The following FSTL5 variants were observed in gnomAD, a reference collection of about 807,000 sequenced individuals.
FSTL5 encodes follistatin-related protein 5.
In FSTL5, 62 loss-of-function variants were observed where a neutral mutation model predicts 89.1. The observed-to-expected ratio is 0.70, with a 90% CI of 0.57 to 0.86. FSTL5 has a LOEUF of 0.86. Ranked by LOEUF, FSTL5 falls within the 40% of genes least tolerant of loss-of-function variation. The probability of loss-of-function intolerance (pLI) is 0.00; values close to 1 mark genes in which losing one functional copy is unlikely to be tolerated. For missense variants in FSTL5, 1,057 were observed against 1,001.6 expected, an observed-to-expected ratio of 1.06 and a Z score of -0.75; for synonymous variants, 383 against 346.2, an observed-to-expected ratio of 1.11 and a Z score of -1.18.
chr4:161,851,266 G>A (rs1353942143), intron 4 of FSTL5, among the ~76,000 whole-genome samples: 1 of 152,080 alleles, frequency 6.6e-6, no homozygotes, highest in African/African-American at 2.4e-5. Flanking sequence ...TCTTTTAATT[G>A]AAATATATAA....
At chr4:161,870,651 C>T (rs1257950623) in intron 4 of FSTL5, among the ~76,000 whole-genome samples, 1 of 152,134 alleles carries the variant, frequency 6.6e-6, no homozygotes, top group African/African-American at 2.4e-5. Flanking sequence ...GTAAATATCA[C>T]TTACCTTTTC....
At chr4:161,442,158 T>TG (rs910111539) in intron 15 of FSTL5, among the ~76,000 whole-genome samples, 2 of 151,584 alleles carry the variant, frequency 1.3e-5, no homozygotes, top group Admixed American at 1.3e-4. Flanking sequence ...TTTTTTTTTT[T>TG]TTTTCATTCC....
At chr4:161,403,130 C>G (rs1307282751) in intron 15 of FSTL5, among the ~76,000 whole-genome samples, 1 of 152,020 alleles carries the variant, frequency 6.6e-6, no homozygotes, top group Non-Finnish European at 1.5e-5. Context: ...CGCCCGGCCC[C>G]CAGAACTATT....
At chr4:161,950,132 G>C (rs1203436442) in intron 3 of FSTL5, among the ~76,000 whole-genome samples, 1 of 152,096 alleles carries the variant, frequency 6.6e-6, no homozygotes, top group Non-Finnish European at 1.5e-5. Flanking sequence ...CTGGACTACT[G>C]ATTCAGTTAG....
chr4:161,913,887 T>C (rs1733766733), intron 4 of FSTL5, among the ~76,000 whole-genome samples: 1 of 152,152 alleles, frequency 6.6e-6, no homozygotes, highest in African/African-American at 2.4e-5. Flanking sequence ...TGCTTTTGAT[T>C]TTACAGGCTC....
At chr4:161,726,954 C>T (rs960808895) in intron 6 of FSTL5, among the ~76,000 whole-genome samples, 1 of 150,280 alleles carries the variant, frequency 6.7e-6, no homozygotes, top group African/African-American at 2.4e-5. Flanking sequence ...ACATTGTCTA[C>T]TGATAAAGAA....
chr4:162,118,242 T>C (rs1388867845), intron 1 of FSTL5, among the ~76,000 whole-genome samples: 1 of 145,574 alleles, frequency 6.9e-6, no homozygotes, highest in Non-Finnish European at 1.5e-5. Context: ...AATATTTTTC[T>C]TAGGAAAAAG....
At chr4:161,726,759 CT>C (rs1739434317) in intron 6 of FSTL5, among the ~76,000 whole-genome samples, 1 of 151,912 alleles carries the variant, frequency 6.6e-6, no homozygotes, top group Non-Finnish European at 1.5e-5. Context: ...TAGCTAACAA[CT>C]TTACTAACTA....
chr4:162,118,912 G>C (rs1157708311), intron 1 of FSTL5, among the ~76,000 whole-genome samples: 1 of 152,082 alleles, frequency 6.6e-6, no homozygotes, highest in African/African-American at 2.4e-5. Flanking sequence ...TAAAAAGTTA[G>C]TAGCAAGGCT....
intron 3 of FSTL5, among the ~76,000 whole-genome samples, chr4:162,018,997 C>T (rs1736995115): frequency 6.6e-6 from 1 of 152,060 alleles, no homozygotes; most frequent in Non-Finnish European, 1.5e-5. Context: ...TAATAAAATA[C>T]TTAATGTCAT....
chr4:161,577,702 G>A (rs2126594691), intron 8 of FSTL5, among the ~76,000 whole-genome samples: 1 of 152,218 alleles, frequency 6.6e-6, no homozygotes, highest in African/African-American at 2.4e-5. Flanking sequence ...ATACAGATCT[G>A]CTGAGGCTTT....
chr4:161,980,807 C>T (rs1735806840), intron 3 of FSTL5, among the ~76,000 whole-genome samples: 1 of 120,602 alleles, frequency 8.3e-6, no homozygotes, highest in Admixed American at 1.1e-4. Flanking sequence ...GACAGAGTCT[C>T]ACTCTGTCAC....
chr4:161,932,329 T>C (rs971844086), intron 3 of FSTL5, among the ~76,000 whole-genome samples: 4 of 151,854 alleles, frequency 2.6e-5, no homozygotes, highest in African/African-American at 4.8e-5. Flanking sequence ...TATTTTTAAA[T>C]CTAAAATTGC....
chr4:162,015,244 A>G (rs1355677558), intron 3 of FSTL5, among the ~76,000 whole-genome samples: 2 of 152,184 alleles, frequency 1.3e-5, no homozygotes, highest in Admixed American at 1.3e-4. Context: ...AGTCATATGC[A>G]TTGCAACATT....
chr4:161,598,933 G>A (rs564423789), intron 7 of FSTL5, among the ~76,000 whole-genome samples: 2 of 152,108 alleles, frequency 1.3e-5, no homozygotes, highest in East Asian at 3.9e-4. Context: ...TTGGATATTG[G>A]ATGACATTTT....
At chr4:161,596,069 C>T (rs939910780) in intron 7 of FSTL5, among the ~76,000 whole-genome samples, 4 of 151,668 alleles carry the variant, frequency 2.6e-5, no homozygotes, top group African/African-American at 9.7e-5. Context: ...CATAAAATAA[C>T]AATAAAATAA....
intron 13 of FSTL5, among the ~76,000 whole-genome samples, chr4:161,470,396 T>C (rs575950877): frequency 6.6e-6 from 1 of 152,024 alleles, no homozygotes; most frequent in Non-Finnish European, 1.5e-5. Context: ...AAAAAAAAAT[T>C]GACTATATAT....
At chr4:162,105,236 C>A (rs1395814756) in intron 2 of FSTL5, among the ~76,000 whole-genome samples, 1 of 152,118 alleles carries the variant, frequency 6.6e-6, no homozygotes, top group African/African-American at 2.4e-5. Context: ...GTGGTGAGAA[C>A]ACTTAAGATC....
intron 8 of FSTL5, among the ~76,000 whole-genome samples, chr4:161,581,031 C>A (rs558989972): frequency 9.7e-4 from 147 of 151,992 alleles, no homozygotes; most frequent in Admixed American, 1.6e-3. Context: ...CAAGCAAGAG[C>A]CAATCTCCTA....
Sources: gnomAD v4.1 joint callset for allele counts (sites outside exome capture counted in the v4.1 genomes callset) on GRCh38, gnomAD v4.1.1 for gene constraint, MANE v1.5 for transcripts, NCBI Gene and HGNC (gene_info 2026-07-23, HGNC 2026-07-21) for gene names.